PDE4D: variants seen among roughly 807,000 people sequenced by gnomAD.
The protein encoded by PDE4D is 3',5'-cyclic-AMP phosphodiesterase 4D.
A neutral mutation model predicts 87.4 loss-of-function variants in PDE4D; 24 were observed. The ratio of observed to expected loss-of-function variants is 0.27; its 90% CI spans 0.20 to 0.39. PDE4D has a LOEUF of 0.39. Among genes scored for constraint, PDE4D ranks in the 10% least tolerant of loss-of-function variants. The pLI, the probability that PDE4D is intolerant of heterozygous loss-of-function variation, is 1.00. For missense variants in PDE4D, 714 were observed against 1,041.0 expected (o/e 0.69, Z 4.32); for synonymous variants, 384 against 383.2 (o/e 1.00, Z -0.02).
chr5:59,446,241 C>G (rs1462155475), intron 1 of PDE4D, among the ~76,000 whole-genome samples: 2 of 151,876 alleles, frequency 1.3e-5, no homozygotes, highest in African/African-American at 4.8e-5. Flanking sequence ...ACTTAAGTAA[C>G]TTGATAATTT....
At chr5:60,303,629 T>C (rs1754145724) in intron 1 of PDE4D, among the ~76,000 whole-genome samples, 1 of 152,016 alleles carries the variant, frequency 6.6e-6, no homozygotes, top group Non-Finnish European at 1.5e-5. Flanking sequence ...TTTCTTAATC[T>C]TGAGTTCTGA....
At chr5:60,337,782 C>T (rs189782501) in intron 1 of PDE4D, among the ~76,000 whole-genome samples, 175 of 151,996 alleles carry the variant, frequency 1.2e-3, no homozygotes, top group African/African-American at 3.8e-3. Context: ...ATTCCAACAC[C>T]ACATCTCTCC....
At chr5:59,142,352 T>G (rs1778014726) in intron 5 of PDE4D, among the ~76,000 whole-genome samples, 1 of 151,292 alleles carries the variant, frequency 6.6e-6, no homozygotes. Context: ...CATTTTTTCC[T>G]CCTTCACTTT....
intron 1 of PDE4D, among the ~76,000 whole-genome samples, chr5:59,820,672 A>G (rs2152688021): frequency 6.6e-6 from 1 of 152,348 alleles, no homozygotes; most frequent in South Asian, 2.1e-4. Context: ...TCTTAATGGG[A>G]CATTGCAGTT....
chr5:59,993,731 A>G (rs1459591566), intron 2 of PDE4D, among the ~76,000 whole-genome samples: 1 of 152,100 alleles, frequency 6.6e-6, no homozygotes, highest in East Asian at 1.9e-4. Flanking sequence ...TAAAAGTATA[A>G]TAAAAGTCAT....
rs1168391260 is a variant in PDE4D, at chr5:59,328,991, A to G, written c.456-113023T>C. On this transcript the variant is annotated intron_variant, in intron 1 of 14. Transcript: ENST00000340635. ...TCACTGCCCCTTTGTTGTGGTGGGCACGGTGCCTTTCACACACAGCTGTTG... is the reference window on the plus strand; with the variant it reads ...TCACTGCCCCTTTGTTGTGGTGGGCGCGGTGCCTTTCACACACAGCTGTTG... Among the ~76,000 whole-genome samples the G allele has an allele frequency of 2.0e-5, 3 of 152,204 alleles. No individual in the cohort carries two copies. In the South Asian group the frequency reaches 6.2e-4, roughly 31 times the overall value.
chr5:58,994,646 A>T (rs1206085282), intron 6 of PDE4D, among the ~76,000 whole-genome samples: 2 of 152,170 alleles, frequency 1.3e-5, no homozygotes, highest in Non-Finnish European at 2.9e-5. Flanking sequence ...GTATTTAATT[A>T]TTTAGAATTA....
chr5:60,489,938 T>C (rs1313405663), upstream of PDE4D: 1 of 152,236 alleles, frequency 6.6e-6, no homozygotes, highest in African/African-American at 2.4e-5. Flanking sequence ...ATTTGTATTT[T>C]TGTCCAGAAA....
chr5:59,870,807 G>A (rs1235131921), intron 1 of PDE4D, among the ~76,000 whole-genome samples: 3 of 152,158 alleles, frequency 2.0e-5, no homozygotes, highest in Non-Finnish European at 2.9e-5. Flanking sequence ...GCTACGAAAG[G>A]TGAAGCCAGG....
chr5:60,109,662 C>G (rs2149354232), intron 2 of PDE4D, among the ~76,000 whole-genome samples: 1 of 152,242 alleles, frequency 6.6e-6, no homozygotes, highest in Non-Finnish European at 1.5e-5. Flanking sequence ...ACATATACAC[C>G]ATGGAATAAT....
chr5:59,306,345 C>A (rs1771359600), intron 1 of PDE4D, among the ~76,000 whole-genome samples: 1 of 152,144 alleles, frequency 6.6e-6, no homozygotes, highest in African/African-American at 2.4e-5. Context: ...ATCCATTCTG[C>A]AGTTCTGCAT....
intron 5 of PDE4D, among the ~76,000 whole-genome samples, chr5:59,141,777 C>G (rs537286202): frequency 3.3e-5 from 5 of 152,292 alleles, no homozygotes; most frequent in Non-Finnish European, 7.4e-5. Context: ...AGGTCAGACC[C>G]GTAACCCATT....
intron 1 of PDE4D, among the ~76,000 whole-genome samples, chr5:59,244,668 A>G (rs1271126387): frequency 2.2e-4 from 24 of 107,010 alleles, no homozygotes; most frequent in Non-Finnish European, 1.2e-4. Flanking sequence ...ATATGTATGT[A>G]TGTGTGTGTG....
intron 1 of PDE4D, among the ~76,000 whole-genome samples, chr5:59,427,860 C>T (rs1208997938): frequency 3.4e-5 from 5 of 146,344 alleles, no homozygotes; most frequent in Non-Finnish European, 7.5e-5. Flanking sequence ...AAAATTGAGA[C>T]ATAAAAGCTT....
At chr5:59,593,257 C>T (rs564452491) in intron 1 of PDE4D, among the ~76,000 whole-genome samples, 3 of 150,638 alleles carry the variant, frequency 2.0e-5, no homozygotes, top group East Asian at 1.9e-4. Flanking sequence ...AAAATAAAGC[C>T]CAACTTCAAA....
intron 1 of PDE4D, among the ~76,000 whole-genome samples, chr5:60,386,508 C>A (rs2150016911): frequency 6.6e-6 from 1 of 152,296 alleles, no homozygotes; most frequent in East Asian, 1.9e-4. Flanking sequence ...GTTGTAATTG[C>A]CCTCCTAAGA....
At chr5:59,424,853 T>A (rs1350298) in intron 1 of PDE4D, among the ~76,000 whole-genome samples, 2 of 152,084 alleles carry the variant, frequency 1.3e-5, no homozygotes, top group Admixed American at 6.6e-5. Context: ...GTCCATGCAT[T>A]TAGGCAAGAG....
intron 1 of PDE4D, among the ~76,000 whole-genome samples, chr5:59,404,795 C>T (rs914191293): frequency 4.9e-4 from 74 of 151,942 alleles, no homozygotes; most frequent in Admixed American, 3.3e-3. Context: ...TTTTTGTATA[C>T]GGCAAGAGAT....
chr5:59,256,086 G>T (rs1181777733), intron 1 of PDE4D, among the ~76,000 whole-genome samples: 2 of 152,004 alleles, frequency 1.3e-5, no homozygotes, highest in African/African-American at 4.8e-5. Flanking sequence ...CTAGATAAAA[G>T]ATAGACAAGA....
Sources: gnomAD v4.1 joint callset for allele counts (sites outside exome capture counted in the v4.1 genomes callset) on GRCh38, gnomAD v4.1.1 for gene constraint, MANE v1.5 for transcripts, NCBI Gene and HGNC (gene_info 2026-07-23, HGNC 2026-07-21) for gene names.